The following B3GALT1 variants were observed in gnomAD, a reference collection of about 807,000 sequenced individuals.
B3GALT1 encodes UDP-Gal:betaGlcNAc beta 1,3-galactosyltransferase, polypeptide 1.
B3GALT1 carries 10 observed loss-of-function variants against 23.2 expected under a neutral mutation model. The observed-to-expected ratio is 0.43, with a 90% CI of 0.27 to 0.73. The LOEUF (loss-of-function observed/expected upper bound fraction) is 0.73, where lower values mean the gene tolerates loss of function less well. Among genes scored for constraint, B3GALT1 ranks in the 30% least tolerant of loss-of-function variants. The probability of loss-of-function intolerance (pLI) is 0.21; values close to 1 mark genes in which losing one functional copy is unlikely to be tolerated. For synonymous variants in B3GALT1, 156 were observed against 141.5 expected (o/e 1.10, Z -0.73); for missense variants, 299 against 405.4 (o/e 0.74, Z 2.25).
chr2:167,379,297 CT>C (rs1328976104), intron 1 of B3GALT1, among the ~76,000 whole-genome samples: 3 of 152,148 alleles, frequency 2.0e-5, no homozygotes, highest in Non-Finnish European at 4.4e-5. Flanking sequence ...TCCACCTGAT[CT>C]CTCCCTTGAC....
chr2:167,403,292 A>G (rs146550025), intron 1 of B3GALT1, among the ~76,000 whole-genome samples: 1,562 of 149,942 alleles, frequency 0.01, 24 homozygotes, highest in African/African-American at 0.034. Context: ...TTGTCCTTGC[A>G]ATAGTTTGCT....
At chr2:167,295,972 C>T (rs1696344438) in intron 1 of B3GALT1, among the ~76,000 whole-genome samples, 2 of 152,156 alleles carry the variant, frequency 1.3e-5, no homozygotes, top group Admixed American at 1.3e-4. Flanking sequence ...GGGGTGGGCA[C>T]AGGCTTTAGG....
intron 3 of B3GALT1, among the ~76,000 whole-genome samples, chr2:167,653,503 A>G (rs1428989361): frequency 6.6e-6 from 1 of 152,162 alleles, no homozygotes; most frequent in Admixed American, 6.6e-5. Flanking sequence ...ACGTTAAAAG[A>G]TAGAAATTGC....
intron 3 of B3GALT1, among the ~76,000 whole-genome samples, chr2:167,763,314 C>T (rs1687923877): frequency 6.6e-6 from 1 of 152,012 alleles, no homozygotes; most frequent in African/African-American, 2.4e-5. Flanking sequence ...CTTTAGTTGG[C>T]CTTTTCTCTA....
chr2:167,792,455 G>A (rs576383129), intron 3 of B3GALT1, among the ~76,000 whole-genome samples: 1 of 152,318 alleles, frequency 6.6e-6, no homozygotes, highest in South Asian at 2.1e-4. Flanking sequence ...AGATACTGAA[G>A]TGGTACAAAG....
intron 2 of B3GALT1, among the ~76,000 whole-genome samples, chr2:167,537,609 C>T (rs1346603392): frequency 1.3e-5 from 2 of 152,018 alleles, no homozygotes; most frequent in African/African-American, 4.8e-5. Context: ...TAATTCCCCT[C>T]CTTCCTTGTT....
At chr2:167,779,441 A>G (rs1352250048) in intron 3 of B3GALT1, among the ~76,000 whole-genome samples, 1 of 152,172 alleles carries the variant, frequency 6.6e-6, no homozygotes, top group East Asian at 1.9e-4. Flanking sequence ...TGACAGGTGC[A>G]TTTTCTTTCC....
At chr2:167,618,262 C>G (rs979910078) in intron 2 of B3GALT1, among the ~76,000 whole-genome samples, 5 of 151,928 alleles carry the variant, frequency 3.3e-5, no homozygotes, top group African/African-American at 1.2e-4. Flanking sequence ...CATATTGGAC[C>G]AGAGAATATT....
At chr2:167,617,132 T>C (rs1685174348) in intron 2 of B3GALT1, among the ~76,000 whole-genome samples, 1 of 152,088 alleles carries the variant, frequency 6.6e-6, no homozygotes, top group African/African-American at 2.4e-5. Flanking sequence ...CCACCCTCCA[T>C]ATGTTGTTTT....
At chr2:167,451,599 CAG>C (rs1251466248) in intron 1 of B3GALT1, among the ~76,000 whole-genome samples, 1 of 152,156 alleles carries the variant, frequency 6.6e-6, no homozygotes, top group Non-Finnish European at 1.5e-5. Flanking sequence ...GTGGAGGTGA[CAG>C]GGGAGTGAAA....
At chr2:167,662,959 T>C (rs571481486) in intron 3 of B3GALT1, among the ~76,000 whole-genome samples, 188 of 152,234 alleles carry the variant, frequency 1.2e-3, no homozygotes, top group Non-Finnish European at 2.0e-3. Context: ...TATTTTCTTT[T>C]TTTATTCTTA....
chr2:167,467,308 T>C (rs747468408), intron 1 of B3GALT1, among the ~76,000 whole-genome samples: 2 of 151,858 alleles, frequency 1.3e-5, no homozygotes, highest in African/African-American at 2.4e-5. Context: ...TTCTTTTGGG[T>C]TATTACTTCA....
intron 2 of B3GALT1, among the ~76,000 whole-genome samples, chr2:167,537,865 C>G (rs1683456609): frequency 6.7e-6 from 1 of 149,292 alleles, no homozygotes; most frequent in South Asian, 2.1e-4. Context: ...ATTCTGTCGC[C>G]CAGGCTTGAG....
chr2:167,296,133 G>T (rs893521013), intron 1 of B3GALT1, among the ~76,000 whole-genome samples: 2 of 152,170 alleles, frequency 1.3e-5, no homozygotes, highest in African/African-American at 4.8e-5. Context: ...AGTAATACAA[G>T]TAATGTCAAC....
intron 3 of B3GALT1, among the ~76,000 whole-genome samples, chr2:167,761,819 T>C (rs148772153): frequency 2.6e-5 from 4 of 152,334 alleles, no homozygotes; most frequent in African/African-American, 9.6e-5. Context: ...ACAAACACAT[T>C]CAACCAAGAC....
intron 3 of B3GALT1, among the ~76,000 whole-genome samples, chr2:167,723,531 T>C (rs894755577): frequency 3.3e-5 from 5 of 152,070 alleles, no homozygotes; most frequent in African/African-American, 1.2e-4. Flanking sequence ...TCTTTCCTTT[T>C]TTTTTTTGTT....
intron 2 of B3GALT1, among the ~76,000 whole-genome samples, chr2:167,506,134 C>G (rs1351745274): frequency 1.3e-5 from 2 of 152,112 alleles, no homozygotes; most frequent in Non-Finnish European, 2.9e-5. Context: ...TTTCCTTATA[C>G]CCCAAAGCAA....
chr2:167,587,730 C>T (rs1684606322), intron 2 of B3GALT1, among the ~76,000 whole-genome samples: 2 of 152,212 alleles, frequency 1.3e-5, no homozygotes, highest in Admixed American at 6.5e-5. Flanking sequence ...ATTTGAATTA[C>T]ATCACCAAAA....
chr2:167,749,569 C>T (rs566174319), intron 3 of B3GALT1, among the ~76,000 whole-genome samples: 16 of 152,274 alleles, frequency 1.1e-4, no homozygotes, highest in Admixed American at 3.3e-4. Flanking sequence ...AAATTTCAGA[C>T]GCTAATGCCC....
Sources: gnomAD v4.1 joint callset for allele counts (sites outside exome capture counted in the v4.1 genomes callset) on GRCh38, gnomAD v4.1.1 for gene constraint, MANE v1.5 for transcripts, NCBI Gene and HGNC (gene_info 2026-07-23, HGNC 2026-07-21) for gene names.